DAAM2: variants seen among roughly 807,000 people sequenced by gnomAD.
DAAM2 encodes the protein dishevelled associated activator of morphogenesis 2, also known as disheveled-associated activator of morphogenesis 2.
DAAM2 carries 39 observed loss-of-function variants against 120.7 expected under a neutral mutation model. The observed-to-expected ratio is 0.32, with a 90% CI of 0.25 to 0.42. DAAM2 has a LOEUF of 0.42. DAAM2 is among the 10% of genes least tolerant of loss of function. DAAM2 has a pLI of 1.00. For synonymous variants in DAAM2, 488 were observed against 524.9 expected (o/e 0.93, Z 0.96); for missense variants, 1,283 against 1,401.7 (o/e 0.92, Z 1.35).
At chr6:39,899,702 A>C (rs1766355073) in intron 22 of DAAM2, 2 of 176,324 alleles carry the variant, frequency 1.1e-5, no homozygotes, top group South Asian at 2.5e-4. Context: ...CTTCTGAATC[A>C]GCTGGGAGCT....
At chr6:39,844,308 G>T (rs1030635831) in intron 1 of DAAM2, among the ~76,000 whole-genome samples, 4 of 152,216 alleles carry the variant, frequency 2.6e-5, no homozygotes, top group African/African-American at 9.6e-5. Context: ...CAGAGGTGGG[G>T]GGTTGAGGGG....
chr6:39,890,333 A>T (rs1765636491), intron 17 of DAAM2, among the ~76,000 whole-genome samples: 1 of 152,190 alleles, frequency 6.6e-6, no homozygotes, highest in African/African-American at 2.4e-5. Flanking sequence ...GGCCAACTCT[A>T]TTTATAGCAA....
chr6:39,798,373 C>T (rs1477774596), intron 1 of DAAM2, among the ~76,000 whole-genome samples: 1 of 152,156 alleles, frequency 6.6e-6, no homozygotes, highest in Non-Finnish European at 1.5e-5. Context: ...TTAGCTATAG[C>T]TATGGTAGTT....
At chr6:39,797,970 T>G (rs1171951186) in intron 1 of DAAM2, among the ~76,000 whole-genome samples, 1 of 152,266 alleles carries the variant, frequency 6.6e-6, no homozygotes, top group East Asian at 1.9e-4. Context: ...CACAGCCATC[T>G]CTGTTCATTT....
intron 1 of DAAM2, among the ~76,000 whole-genome samples, chr6:39,825,456 C>CGGA (rs1762639238): frequency 6.9e-6 from 1 of 145,204 alleles, no homozygotes; most frequent in Non-Finnish European, 1.5e-5. Context: ...GGTGGGGGGC[C>CGGA]TTTGTTTCTT....
chr6:39,897,910 A>G (rs1766214103), intron 21 of DAAM2, among the ~76,000 whole-genome samples: 1 of 152,184 alleles, frequency 6.6e-6, no homozygotes, highest in Admixed American at 6.5e-5. Context: ...GCACCACCAC[A>G]GCTGCTGTGT....
intron 1 of DAAM2, among the ~76,000 whole-genome samples, chr6:39,811,529 G>A (rs1435397197): frequency 5.3e-5 from 8 of 152,070 alleles, no homozygotes; most frequent in South Asian, 2.1e-4. Flanking sequence ...AACCCCACCC[G>A]GCACCCTCCT....
chr6:39,860,031 C>G lies in DAAM2; in HGVS notation c.169-897C>G, dbSNP rs533642790. On this transcript the variant is annotated intron_variant, in intron 2 of 24. Coordinates refer to ENST00000274867, the MANE Select transcript of DAAM2 (RefSeq NM_001201427.2). ...TGCTTTTGATTTTAAAAAAAGCACA[C>G]TATGGTCTCCATGGCCCATTAACTA... Among the ~76,000 whole-genome samples, 17 of 152,332 alleles carry G rather than the reference C, an allele frequency of 1.1e-4. No homozygotes were observed. In the South Asian group the frequency reaches 2.9e-3, roughly 26 times the overall value.
At chr6:39,884,139 T>C (rs952200705) in intron 15 of DAAM2, 70 bp downstream of exon 15, 14 of 804,900 alleles carry the variant, frequency 1.7e-5, no homozygotes, top group Non-Finnish European at 2.9e-5. Context: ...TCCTTTTCTT[T>C]CTGCCTGCCT....
chr6:39,825,107 A>G (rs1389442185), intron 1 of DAAM2, among the ~76,000 whole-genome samples: 1 of 152,134 alleles, frequency 6.6e-6, no homozygotes, highest in Non-Finnish European at 1.5e-5. Flanking sequence ...GGTCTTTGTC[A>G]GGCTGGGTGC....
Position 39,878,338 on chromosome 6 carries a change from A to T in DAAM2, c.1361-66A>T. On this transcript the variant is annotated intron_variant, in intron 12 of 24. Coordinates refer to ENST00000274867, the MANE Select transcript of DAAM2 (RefSeq NM_001201427.2). This position sits in a 1 kb window ranked among gnomAD's most constrained non-coding sequence, Gnocchi z 5.0. ...CCAGCCCATAACTCCATGCCCTTCC[A>T]GGCAGGGAGTCACATTACTCACATT... The T allele has an allele frequency of 5.0e-6, 8 of 1,608,080 alleles. No individual in the cohort carries two copies. The highest frequency in any genetic ancestry group is 6.8e-6 in the Non-Finnish European group (8 of 1,175,506).
intron 1 of DAAM2, among the ~76,000 whole-genome samples, chr6:39,809,326 A>G (rs1339931433): frequency 6.6e-5 from 10 of 152,112 alleles, no homozygotes; most frequent in Admixed American, 6.5e-4. Context: ...TAATTTACCT[A>G]GTTCATTGCT....
At chr6:39,839,236 AAG>A in intron 1 of DAAM2, among the ~76,000 whole-genome samples, 1 of 152,312 alleles carries the variant, frequency 6.6e-6, no homozygotes, top group East Asian at 1.9e-4. Flanking sequence ...CTGGCGAAAA[AAG>A]AGGAAAGAGA....
chr6:39,891,803 C>A (rs1765739011), intron 19 of DAAM2, 81 bp downstream of exon 19: 3 of 1,030,202 alleles, frequency 2.9e-6, no homozygotes, highest in South Asian at 1.5e-5. Context: ...TGAATAGGGG[C>A]AGAGGGAAAC....
intron 9 of DAAM2, among the ~76,000 whole-genome samples, chr6:39,872,292 G>A (rs1411270049): frequency 6.6e-6 from 1 of 152,186 alleles, no homozygotes; most frequent in Non-Finnish European, 1.5e-5. Flanking sequence ...ATCCAGTCAA[G>A]TTGACACCTA....
At chr6:39,883,896 G>A (rs1013023881) in intron 14 of DAAM2, 66 bp from the exon 15 acceptor site, 48 of 1,009,826 alleles carry the variant, frequency 4.8e-5, no homozygotes, top group Non-Finnish European at 7.5e-5. Flanking sequence ...GGGTTAGGGA[G>A]GCATGGAGCA....
chr6:39,808,124 A>G (rs1762061914), intron 1 of DAAM2, among the ~76,000 whole-genome samples: 1 of 144,146 alleles, frequency 6.9e-6, no homozygotes, highest in Non-Finnish European at 1.5e-5. Context: ...TCATATTTTG[A>G]TATACTGGTG....
At chr6:39,863,390 A>G (rs1764294712) in intron 3 of DAAM2, among the ~76,000 whole-genome samples, 1 of 152,184 alleles carries the variant, frequency 6.6e-6, no homozygotes, top group Non-Finnish European at 1.5e-5. Context: ...ATAAAGACCC[A>G]AACAAAGCAG....
intron 11 of DAAM2, among the ~76,000 whole-genome samples, chr6:39,877,010 CCT>C (rs1164475799): frequency 6.6e-6 from 1 of 152,196 alleles, no homozygotes; most frequent in African/African-American, 2.4e-5. Context: ...TTGCTGGGTG[CCT>C]CTCACTACAA....
Sources: gnomAD v4.1 joint callset for allele counts (sites outside exome capture counted in the v4.1 genomes callset) on GRCh38, gnomAD v4.1.1 for gene constraint, Gnocchi (gnomAD v3.1) non-coding constraint, MANE v1.5 for transcripts, NCBI Gene and HGNC (gene_info 2026-07-23, HGNC 2026-07-21) for gene names.